ANKS1A: variants seen among roughly 807,000 people sequenced by gnomAD.
The protein encoded by ANKS1A is ankyrin repeat and sterile alpha motif domain containing 1A.
ANKS1A carries 55 observed loss-of-function variants against 120.3 expected under a neutral mutation model. The observed-to-expected ratio is 0.46, with a 90% CI of 0.37 to 0.57. ANKS1A has a LOEUF of 0.57. Ranked by LOEUF, ANKS1A falls within the 20% of genes least tolerant of loss-of-function variation. ANKS1A has a pLI of 0.00. For missense variants in ANKS1A, 1,123 were observed against 1,480.3 expected, an observed-to-expected ratio of 0.76 and a Z score of 3.96; for synonymous variants, 590 against 604.7, an observed-to-expected ratio of 0.98 and a Z score of 0.36.
intron 3 of ANKS1A, among the ~76,000 whole-genome samples, chr6:34,970,776 G>A (rs1173108118): frequency 6.6e-6 from 1 of 152,004 alleles, no homozygotes; most frequent in Non-Finnish European, 1.5e-5. Context: ...ATTGCTTGAG[G>A]CCAGGAGTTT....
chr6:34,982,637 C>T lies in ANKS1A; in HGVS notation c.733-115C>T, dbSNP rs1771961275. On this transcript the variant is annotated intron_variant, in intron 4 of 23. Transcript: ENST00000360359. The surrounding 1 kb of genome is among the most constrained non-coding windows in gnomAD (Gnocchi z 4.9). ...AAGCTGGAAAGATAATGACAGAGGG[C>T]TTTGTGTAGTTTGTTTTATTTTGTG... The T allele has an allele frequency of 2.9e-6, 3 of 1,033,906 alleles. No homozygotes were observed. The highest frequency in any genetic ancestry group is 4.5e-6 in the Non-Finnish European group (3 of 672,256). The allele number at this position is 1,033,906 out of a possible 1,614,324, so 64.0% of individuals were successfully genotyped here. A position where few individuals can be genotyped will look rare whatever the true frequency, so the allele number is the denominator to read the frequency against.
At chr6:34,942,834 C>T (rs1440671563) in intron 1 of ANKS1A, among the ~76,000 whole-genome samples, 2 of 151,082 alleles carry the variant, frequency 1.3e-5, no homozygotes, top group African/African-American at 2.4e-5. Context: ...TTTCCCCCTC[C>T]CCTCCCCATC....
chr6:35,018,878 T>C (rs967451765), intron 11 of ANKS1A, among the ~76,000 whole-genome samples: 2 of 152,182 alleles, frequency 1.3e-5, no homozygotes, highest in Non-Finnish European at 2.9e-5. Context: ...TTTTTATAGC[T>C]GCAAGAGGAA....
At chr6:34,903,784 G>T (rs1767495114) in intron 1 of ANKS1A, among the ~76,000 whole-genome samples, 2 of 151,922 alleles carry the variant, frequency 1.3e-5, no homozygotes, top group Admixed American at 1.3e-4. Context: ...CAAAGTGTTG[G>T]GATTACAGGC....
intron 2 of ANKS1A, among the ~76,000 whole-genome samples, chr6:34,968,411 A>G (rs1320843037): frequency 6.6e-6 from 1 of 152,142 alleles, no homozygotes; most frequent in Non-Finnish European, 1.5e-5. Flanking sequence ...ACTATAGGCA[A>G]TAAGTAGCAG....
rs1330160058 is a variant in ANKS1A at position 35,082,133 on chromosome 6, AC to A, written c.2710-556del. On this transcript the variant is annotated intron_variant, in intron 17 of 23. Transcript: ENST00000360359. This position sits in a 1 kb window ranked among gnomAD's most constrained non-coding sequence, Gnocchi z 4.1. ...CTTTTCCTTCCTCTCCATTCCTTCC[AC>A]CAGTGCCCTGGACAGGGACCCATGA... 6.6e-6 allele frequency among the ~76,000 whole-genome samples: 1 copy of A among 151,370 alleles called. No homozygotes were observed. Among genetic ancestry groups the A allele is most frequent in the Admixed American group, 6.6e-5 (1 of 15,196 alleles).
At chr6:35,088,576 T>G in intron 23 of ANKS1A, 30 bp from the exon 24 acceptor site, 1 of 1,614,076 alleles carries the variant, frequency 6.2e-7, no homozygotes, top group Non-Finnish European at 8.5e-7. Context: ...GGTTAACCCT[T>G]TCCTCCCCCC....
At chr6:34,926,546 C>T (rs936192268) in intron 1 of ANKS1A, among the ~76,000 whole-genome samples, 1 of 152,254 alleles carries the variant, frequency 6.6e-6, no homozygotes, top group South Asian at 2.1e-4. Flanking sequence ...TCCTTGACCC[C>T]TGGGCTGTGG....
At chr6:34,991,567 C>T (rs925207376) in intron 9 of ANKS1A, among the ~76,000 whole-genome samples, 3 of 67,124 alleles carry the variant, frequency 4.5e-5, no homozygotes, top group Admixed American at 1.8e-4. Flanking sequence ...CACACACACA[C>T]ACACACACAC....
At chr6:34,920,725 A>T (rs1037693248) in intron 1 of ANKS1A, among the ~76,000 whole-genome samples, 3 of 152,272 alleles carry the variant, frequency 2.0e-5, no homozygotes, top group Non-Finnish European at 2.9e-5. Flanking sequence ...GTGATATTTT[A>T]AAAAAAGAAA....
At chr6:34,964,111 C>A (rs1404927396) in intron 1 of ANKS1A, among the ~76,000 whole-genome samples, 1 of 152,102 alleles carries the variant, frequency 6.6e-6, no homozygotes, top group Non-Finnish European at 1.5e-5. Context: ...TGTACAGAAT[C>A]CCACTTTTTC....
rs372817357 is a variant in ANKS1A at position 35,079,486 on chromosome 6, G to A, written c.2284-30G>A. 11 of 1,612,146 alleles carry A rather than the reference G, an allele frequency of 6.8e-6. No homozygotes were observed. In the African/African-American group the frequency reaches 1.5e-4, roughly 22 times the overall value. The stretch of plus-strand genomic sequence containing the variant: ...GTCCCTCTCCTGTGAGTGCTGAGAT[G>A]TCAGTTTCACCTCCCTCCTTGCCCT... On this transcript the variant is annotated intron_variant, in intron 14 of 23. Transcript: ENST00000360359.
In ANKS1A at chr6:35,081,169, G is replaced by T. The variant is rs1227687033; in HGVS notation, c.2709+11G>T. On this transcript the variant is annotated intron_variant, in intron 17 of 23. Transcript: ENST00000360359. ...CGCTTCAGGATCCAGGTGGGGCAGG[G>T]GGAGTGGAGGTGCAGCCAGGCTCTA... The T allele has an allele frequency of 1.2e-6, 2 of 1,601,534 alleles. No individual in the cohort carries two copies. Among genetic ancestry groups the T allele is most frequent in the South Asian group, 1.1e-5 (1 of 90,432 alleles).
chr6:34,957,420 G>A (rs535624584), intron 1 of ANKS1A, among the ~76,000 whole-genome samples: 1 of 152,322 alleles, frequency 6.6e-6, no homozygotes, highest in South Asian at 2.1e-4. Context: ...ATTTGAGTAA[G>A]ATGAAATCTT....
At chr6:34,969,942 G>T (rs1344058051) in intron 2 of ANKS1A, 68 bp from the exon 3 acceptor site, 38 of 1,561,436 alleles carry the variant, frequency 2.4e-5, no homozygotes, top group Non-Finnish European at 2.8e-5. Context: ...TGCCATATAG[G>T]TGTAAAGAGC....
chr6:35,069,968 G>C (rs965727298), intron 13 of ANKS1A, among the ~76,000 whole-genome samples: 1 of 148,438 alleles, frequency 6.7e-6, no homozygotes, highest in East Asian at 2.0e-4. Context: ...TGGAAGTTGC[G>C]GTGAGCCAAG....
chr6:35,023,735 T>A, intron 11 of ANKS1A: 1 of 347,360 alleles, frequency 2.9e-6, no homozygotes, highest in South Asian at 2.8e-5. Flanking sequence ...ACAAATTTCT[T>A]CTCCCAGAAT....
At chr6:34,958,728 C>T (rs1246283484) in intron 1 of ANKS1A, among the ~76,000 whole-genome samples, 2 of 152,192 alleles carry the variant, frequency 1.3e-5, no homozygotes, top group Admixed American at 6.5e-5. Flanking sequence ...TTGCAGGTGT[C>T]CCACTTTGCT....
intron 12 of ANKS1A, among the ~76,000 whole-genome samples, chr6:35,059,286 C>T (rs1776361029): frequency 6.6e-6 from 1 of 152,248 alleles, no homozygotes; most frequent in African/African-American, 2.4e-5. Context: ...GTGGATCGGG[C>T]TCCTGGCCCA....
Sources: allele counts gnomAD v4.1 joint callset (sites outside exome capture counted in the v4.1 genomes callset), GRCh38; gene constraint gnomAD v4.1.1; non-coding constraint Gnocchi (gnomAD v3.1); transcripts MANE v1.5; gene names NCBI Gene and HGNC (gene_info 2026-07-23, HGNC 2026-07-21).